ARIH1: variants seen among roughly 807,000 people sequenced by gnomAD.
ARIH1 encodes the protein E3 ubiquitin-protein ligase ARIH1.
In ARIH1, 8 loss-of-function variants were observed where a neutral mutation model predicts 85.0. The ratio of observed to expected loss-of-function variants is 0.09; its 90% CI spans 0.06 to 0.17. The LOEUF (loss-of-function observed/expected upper bound fraction) is 0.17. Among genes scored for constraint, ARIH1 ranks in the 10% least tolerant of loss-of-function variants. The pLI is 1.00. For synonymous variants in ARIH1, 238 were observed against 253.6 expected (o/e 0.94, Z 0.59); for missense variants, 311 against 718.1 (o/e 0.43, Z 6.48).
At chr15:72,553,568 A>G (rs1049654130) in intron 3 of ARIH1, among the ~76,000 whole-genome samples, 9 of 152,070 alleles carry the variant, frequency 5.9e-5, no homozygotes, top group African/African-American at 2.2e-4. Context: ...CCCCTAGGCA[A>G]CTGCTCATCT....
chr15:72,576,682 G>A (rs1032978391), intron 11 of ARIH1, among the ~76,000 whole-genome samples: 1 of 151,874 alleles, frequency 6.6e-6, no homozygotes, highest in South Asian at 2.1e-4. Flanking sequence ...ATATTATAAT[G>A]TAATAATACA....
At chr15:72,479,789 CTTAT>C (rs1166865226) in intron 1 of ARIH1, among the ~76,000 whole-genome samples, 1 of 151,792 alleles carries the variant, frequency 6.6e-6, no homozygotes, top group Non-Finnish European at 1.5e-5. Flanking sequence ...CTGTATTTCA[CTTAT>C]TTAATTAAGA....
intron 3 of ARIH1, among the ~76,000 whole-genome samples, chr15:72,552,720 T>C (rs1567354255): frequency 6.6e-6 from 1 of 151,700 alleles, no homozygotes; most frequent in South Asian, 2.1e-4. Context: ...AAACTGGAAA[T>C]AGCAGTTGCT....
At chr15:72,540,364 G>A (rs979550802) in intron 2 of ARIH1, among the ~76,000 whole-genome samples, 1 of 151,666 alleles carries the variant, frequency 6.6e-6, no homozygotes, top group Non-Finnish European at 1.5e-5. Flanking sequence ...GATGATCAAT[G>A]TATTATTTAA....
intron 7 of ARIH1, among the ~76,000 whole-genome samples, chr15:72,564,133 A>G (rs2064209051): frequency 6.6e-6 from 1 of 152,158 alleles, no homozygotes; most frequent in African/African-American, 2.4e-5. Context: ...CTTTTGATGA[A>G]CAGTTTATCT....
intron 2 of ARIH1, among the ~76,000 whole-genome samples, chr15:72,521,242 C>T (rs1336172731): frequency 7.7e-6 from 1 of 130,268 alleles, no homozygotes; most frequent in East Asian, 2.5e-4. Context: ...TTTTGCATAC[C>T]ACTATTTTTT....
At chr15:72,508,410 C>G (rs2063935186) in intron 1 of ARIH1, among the ~76,000 whole-genome samples, 1 of 152,204 alleles carries the variant, frequency 6.6e-6, no homozygotes, top group African/African-American at 2.4e-5. Flanking sequence ...GTGAATTTCT[C>G]TCCTTTGACA....
At chr15:72,509,486 C>A (rs142151579) in intron 1 of ARIH1, among the ~76,000 whole-genome samples, 153 of 152,244 alleles carry the variant, frequency 1.0e-3, no homozygotes, top group African/African-American at 3.6e-3. Context: ...CACCATCACC[C>A]CTCAAATTTC....
chr15:72,506,123 C>T (rs1414812227), intron 1 of ARIH1, among the ~76,000 whole-genome samples: 3 of 151,772 alleles, frequency 2.0e-5, no homozygotes, highest in Admixed American at 6.5e-5. Flanking sequence ...CCGAGGCGGG[C>T]GGATCATGAG....
intron 11 of ARIH1, among the ~76,000 whole-genome samples, chr15:72,580,225 A>G (rs1372059175): frequency 6.6e-6 from 1 of 152,164 alleles, no homozygotes; most frequent in Non-Finnish European, 1.5e-5. Context: ...ACTTAGTGTA[A>G]TGTCCTCCAG....
intron 2 of ARIH1, among the ~76,000 whole-genome samples, chr15:72,524,949 A>G (rs1322268104): frequency 6.6e-6 from 1 of 152,110 alleles, no homozygotes; most frequent in Non-Finnish European, 1.5e-5. Flanking sequence ...CAGTGGTGCA[A>G]TCTTGGCTCA....
At chr15:72,485,725 T>C (rs945931254) in intron 1 of ARIH1, among the ~76,000 whole-genome samples, 1 of 152,212 alleles carries the variant, frequency 6.6e-6, no homozygotes, top group African/African-American at 2.4e-5. Flanking sequence ...CTGTCTTTCT[T>C]ATAATAGGCA....
At chr15:72,477,934 C>A (rs929871052) in intron 1 of ARIH1, among the ~76,000 whole-genome samples, 1 of 151,900 alleles carries the variant, frequency 6.6e-6, no homozygotes. Context: ...AGCTTCCCCC[C>A]CTACCCCAGT....
chr15:72,494,294 T>C (rs1053795988), intron 1 of ARIH1, among the ~76,000 whole-genome samples: 4 of 152,208 alleles, frequency 2.6e-5, no homozygotes, highest in African/African-American at 9.6e-5. Context: ...CTTTGTTTCA[T>C]AGTAGAAGCA....
At chr15:72,531,618 T>TA (rs765049883) in intron 2 of ARIH1, among the ~76,000 whole-genome samples, 1 of 151,736 alleles carries the variant, frequency 6.6e-6, no homozygotes, top group East Asian at 1.9e-4. Flanking sequence ...TCAGCAAAAA[T>TA]AAAAAATCTA....
chr15:72,537,377 A>G (rs1019680910), intron 2 of ARIH1, among the ~76,000 whole-genome samples: 3 of 152,142 alleles, frequency 2.0e-5, no homozygotes, highest in Non-Finnish European at 4.4e-5. Flanking sequence ...AAGTAACACA[A>G]TCATGATTTT....
At chr15:72,497,697 C>G (rs902755192) in intron 1 of ARIH1, among the ~76,000 whole-genome samples, 1 of 152,118 alleles carries the variant, frequency 6.6e-6, no homozygotes, top group Non-Finnish European at 1.5e-5. Flanking sequence ...TGCTGTTATG[C>G]TTCTAAAAAG....
chr15:72,478,359 C>T (rs2063802647), intron 1 of ARIH1, among the ~76,000 whole-genome samples: 1 of 146,606 alleles, frequency 6.8e-6, no homozygotes, highest in African/African-American at 2.5e-5. Context: ...CCAGGTGATC[C>T]ACACAGCTGG....
Position 72,480,812 on chromosome 15 carries a change from G to A in ARIH1, c.375+5798G>A, listed in dbSNP as rs185797676. ...ACTCCCGACCTCAGGTGATCTGCCC[G>A]CCTCGGCCTCCCAAAGTTCTGGGAT... On this transcript the variant is annotated intron_variant, in intron 1 of 13. Coordinates refer to ENST00000379887, the MANE Select transcript of ARIH1 (RefSeq NM_005744.5). 9.9e-4 allele frequency among the ~76,000 whole-genome samples: 151 copies of A among 152,212 alleles called. 2 individuals carry two copies. Among genetic ancestry groups the A allele is most frequent in the Admixed American group, 9.0e-3 (138 of 15,276 alleles).
Sources: gnomAD v4.1 joint callset for allele counts (sites outside exome capture counted in the v4.1 genomes callset) on GRCh38, gnomAD v4.1.1 for gene constraint, MANE v1.5 for transcripts, NCBI Gene and HGNC (gene_info 2026-07-23, HGNC 2026-07-21) for gene names.